The following COL23A1 variants were observed in gnomAD, a reference collection of about 807,000 sequenced individuals.
COL23A1 encodes collagen alpha-1(XXIII) chain.
COL23A1 carries 97 observed loss-of-function variants against 99.3 expected under a neutral mutation model. The observed-to-expected ratio is 0.98, with a 90% CI of 0.83 to 1.16. The LOEUF is 1.16. Ranked by LOEUF, COL23A1 falls within the 50% of genes most tolerant of loss-of-function variation. The pLI is 0.00. For missense variants in COL23A1, 762 were observed against 757.4 expected, an observed-to-expected ratio of 1.01 and a Z score of -0.07; for synonymous variants, 320 against 308.2, an observed-to-expected ratio of 1.04 and a Z score of -0.40.
chr5:178,263,148 GA>G (rs1032735145), intron 9 of COL23A1, 59 bp downstream of exon 9: 2 of 1,222,782 alleles, frequency 1.6e-6, no homozygotes, highest in African/African-American at 3.0e-5. Context: ...GCTGGCTCTG[GA>G]ATCAGGATTT....
intron 2 of COL23A1, among the ~76,000 whole-genome samples, chr5:178,347,093 CT>C (rs1761015201): frequency 6.6e-6 from 1 of 152,210 alleles, no homozygotes; most frequent in African/African-American, 2.4e-5. Context: ...CCGCCTCCCC[CT>C]CCCTCCCTGT....
At chr5:178,435,664 C>T (rs937798822) in intron 2 of COL23A1, among the ~76,000 whole-genome samples, 2 of 152,052 alleles carry the variant, frequency 1.3e-5, no homozygotes, top group Non-Finnish European at 2.9e-5. Context: ...TGAGGAAAAG[C>T]GAGGGGGAGG....
chr5:178,380,753 G>T (rs1246426793), intron 2 of COL23A1, among the ~76,000 whole-genome samples: 3 of 152,162 alleles, frequency 2.0e-5, no homozygotes, highest in African/African-American at 2.4e-5. Flanking sequence ...GGGACCAGCC[G>T]CAGTGAGAGG....
At chr5:178,268,118 C>T (rs1269420919) in intron 7 of COL23A1, among the ~76,000 whole-genome samples, 1 of 152,238 alleles carries the variant, frequency 6.6e-6, no homozygotes, top group Non-Finnish European at 1.5e-5. Flanking sequence ...GCAGATCTCA[C>T]TTCCCATTTC....
chr5:178,239,821 A>G (rs1438141518), intron 27 of COL23A1, among the ~76,000 whole-genome samples: 1 of 116,766 alleles, frequency 8.6e-6, no homozygotes, highest in Non-Finnish European at 1.6e-5. Flanking sequence ...TGTGACAGTG[A>G]CTCTGGCCTG....
chr5:178,343,772 C>T (rs1225303949), intron 2 of COL23A1, among the ~76,000 whole-genome samples: 1 of 151,736 alleles, frequency 6.6e-6, no homozygotes, highest in Non-Finnish European at 1.5e-5. Context: ...AAGCACTTCT[C>T]CTGCCTCAGC....
intron 2 of COL23A1, among the ~76,000 whole-genome samples, chr5:178,353,634 T>C (rs1761456188): frequency 6.6e-6 from 1 of 152,130 alleles, no homozygotes; most frequent in Non-Finnish European, 1.5e-5. Flanking sequence ...TTCTCCTCTC[T>C]TAGGATAAAG....
At chr5:178,335,074 A>G (rs560752629) in intron 2 of COL23A1, among the ~76,000 whole-genome samples, 1 of 152,328 alleles carries the variant, frequency 6.6e-6, no homozygotes, top group South Asian at 2.1e-4. Flanking sequence ...GTAAGTGGGA[A>G]GTCTCAGAGC....
chr5:178,272,716 G>A (rs1297519615), intron 5 of COL23A1, among the ~76,000 whole-genome samples: 1 of 152,144 alleles, frequency 6.6e-6, no homozygotes, highest in African/African-American at 2.4e-5. Context: ...GCCCTCGGTA[G>A]TACACTAAAT....
intron 2 of COL23A1, among the ~76,000 whole-genome samples, chr5:178,453,476 G>C (rs571962854): frequency 1.3e-5 from 2 of 152,276 alleles, no homozygotes; most frequent in South Asian, 4.1e-4. Flanking sequence ...GACTGGCCAT[G>C]CGGGTTTGGA....
At chr5:178,452,328 T>C (rs6601239) in intron 2 of COL23A1, among the ~76,000 whole-genome samples, 69,879 of 151,986 alleles carry the variant, frequency 0.46, 18,296 homozygotes, top group African/African-American at 0.72. Flanking sequence ...GGATTCACAT[T>C]TCCTACTTTA....
rs777055253 is a variant in COL23A1, at chr5:178,255,032, G to A, written c.883-6C>T. ...CCCTTGAGGCCTGGGGCACCCTGAG[G>A]CAGGAAGAAGAGTAAGAATTTCAGG... On this transcript the variant is annotated splice_polypyrimidine_tract_variant and splice_region_variant and intron_variant, in intron 15 of 28. Coordinates refer to ENST00000390654, the MANE Select transcript of COL23A1 (RefSeq NM_173465.4). The surrounding 1 kb of genome is among the most constrained non-coding windows in gnomAD (Gnocchi z 4.2). 6.2e-7 allele frequency: 1 copy of A among 1,612,340 alleles called. No homozygotes were observed. Among genetic ancestry groups the A allele is most frequent in the Admixed American group, 1.7e-5 (1 of 59,968 alleles).
chr5:178,329,554 C>A (rs1410125026), intron 2 of COL23A1, among the ~76,000 whole-genome samples: 2 of 152,190 alleles, frequency 1.3e-5, no homozygotes, highest in East Asian at 3.8e-4. Context: ...ACGCCCCGCA[C>A]CCACCAGGCT....
chr5:178,537,314 G>A (rs1012869190), intron 2 of COL23A1, among the ~76,000 whole-genome samples: 19 of 152,332 alleles, frequency 1.2e-4, no homozygotes, highest in Middle Eastern at 6.8e-3. Context: ...TGAGGCCCGG[G>A]GTCGTATTCA....
intron 2 of COL23A1, among the ~76,000 whole-genome samples, chr5:178,502,029 A>T (rs1261644783): frequency 6.6e-6 from 1 of 152,256 alleles, no homozygotes; most frequent in African/African-American, 2.4e-5. Flanking sequence ...GGCAAAATAC[A>T]AGCATAGAAA....
intron 2 of COL23A1, among the ~76,000 whole-genome samples, chr5:178,465,930 G>A (rs1756394561): frequency 6.6e-6 from 1 of 152,160 alleles, no homozygotes; most frequent in South Asian, 2.1e-4. Context: ...GTCTAACTCA[G>A]CGCACACTTC....
chr5:178,324,058 G>A (rs1031785340), intron 2 of COL23A1, among the ~76,000 whole-genome samples: 5 of 152,010 alleles, frequency 3.3e-5, no homozygotes, highest in Admixed American at 3.3e-4. Flanking sequence ...CCAGTCAGAG[G>A]TCCCTGGGCG....
At chr5:178,394,153 A>G (rs1334151213) in intron 2 of COL23A1, among the ~76,000 whole-genome samples, 1 of 152,196 alleles carries the variant, frequency 6.6e-6, no homozygotes, top group Admixed American at 6.5e-5. Context: ...GGCAAGGAGG[A>G]GGCCCAGGGC....
chr5:178,371,646 C>T (rs940958305), intron 2 of COL23A1, among the ~76,000 whole-genome samples: 15 of 152,328 alleles, frequency 9.8e-5, no homozygotes, highest in South Asian at 2.1e-4. Flanking sequence ...TCACCCACCC[C>T]GCACACCCTG....
Sources: gnomAD v4.1 joint callset for allele counts (sites outside exome capture counted in the v4.1 genomes callset) on GRCh38, gnomAD v4.1.1 for gene constraint, Gnocchi (gnomAD v3.1) non-coding constraint, MANE v1.5 for transcripts, NCBI Gene and HGNC (gene_info 2026-07-23, HGNC 2026-07-21) for gene names.